The following WTIP variants were observed in gnomAD, a reference collection of about 807,000 sequenced individuals.
WTIP encodes the protein WT1 interacting protein.
In WTIP, 23 loss-of-function variants were observed where a neutral mutation model predicts 41.7. The ratio of observed to expected loss-of-function variants is 0.55; its 90% CI spans 0.40 to 0.78. The LOEUF (loss-of-function observed/expected upper bound fraction) is 0.78. WTIP is among the 30% of genes least tolerant of loss of function. WTIP has a pLI of 0.00. For synonymous variants in WTIP, 314 were observed against 269.9 expected, an observed-to-expected ratio of 1.16 and a Z score of -1.60; for missense variants, 619 against 610.5, an observed-to-expected ratio of 1.01 and a Z score of -0.15.
At chr19:34,499,068 A>G in intron 7 of WTIP, among the ~76,000 whole-genome samples, 1 of 151,880 alleles carries the variant, frequency 6.6e-6, no homozygotes, top group Non-Finnish European at 1.5e-5. Context: ...GAAAAAAATT[A>G]GCCGGGCATG....
In WTIP at chr19:34,500,442, T is replaced by A; in HGVS notation, c.*173T>A. On this transcript the variant is annotated 3_prime_UTR_variant, in exon 8 of 8. Coordinates refer to ENST00000590071, the MANE Select transcript of WTIP (RefSeq NM_001080436.2). ...CTTCTATTTATTCACCGTCTGTGCC[T>A]GCTCAAGTCACTTCCCTGCGGGCCC... 1 of 948,102 alleles carries A rather than the reference T, an allele frequency of 1.1e-6. No individual in the cohort carries two copies. Among genetic ancestry groups the A allele is most frequent in the Non-Finnish European group, 1.5e-6 (1 of 674,418 alleles). 58.7% of individuals were successfully genotyped at this position (948,102 alleles called of 1,614,324 possible). A position where few individuals can be genotyped will look rare whatever the true frequency, so the allele number is the denominator to read the frequency against.
rs1568399859 is a variant in WTIP at position 34,493,068 on chromosome 19, C to CGTGG, written c.805_808dup (p.Glu270GlyfsTer2). The CGTGG allele has an allele frequency of 6.2e-7, 1 of 1,613,926 alleles. No individual in the cohort carries two copies. Among genetic ancestry groups the CGTGG allele is most frequent in the Admixed American group, 1.7e-5 (1 of 60,010 alleles). ...GACTCCGTGGGAAGGCGTTCTACAA[C>CGTGG]GTGGGTGAGAAAGTGTACTGCCAGG... is the stretch of plus-strand genomic sequence containing the variant. On this transcript the variant is annotated frameshift_variant, in exon 3 of 8. Transcript: ENST00000590071. LOFTEE classifies it high-confidence loss of function. This position sits in a 1 kb window ranked among gnomAD's most constrained non-coding sequence, Gnocchi z 4.1.
chr19:34,502,953 G>A lies in WTIP; in HGVS notation c.*2684G>A, dbSNP rs2075895392. ...CCTGCTTTGAGCCGGGTTTCTCCTT[G>A]TTGCCAACCCGGTCCTTCTCCTCCC... On this transcript the variant is annotated 3_prime_UTR_variant, in exon 8 of 8. Coordinates refer to ENST00000590071, the MANE Select transcript of WTIP (RefSeq NM_001080436.2). 6.6e-6 allele frequency: 1 copy of A among 152,518 alleles called. No individual in the cohort carries two copies. Among genetic ancestry groups the A allele is most frequent in the Non-Finnish European group, 1.5e-5 (1 of 68,330 alleles). 9.4% of individuals were successfully genotyped at this position (152,518 alleles called of 1,614,324 possible). A position where few individuals can be genotyped will look rare whatever the true frequency, so the allele number is the denominator to read the frequency against.
chr19:34,490,775 TTCTGCCTG>T (rs2075821590), intron 2 of WTIP, among the ~76,000 whole-genome samples: 1 of 152,204 alleles, frequency 6.6e-6, no homozygotes, highest in Non-Finnish European at 1.5e-5. Flanking sequence ...ATGAAGGACC[TTCTGCCTG>T]TCTGGACATA....
At position 34,512,223 on chromosome 19, in the gene WTIP, C is replaced by G. The variant is rs2075935674; in HGVS notation, c.*11954C>G. ...GTCAGGGTCAGACTCCACCTTGAGT[C>G]TGGCATTGGCTGTTGGCATCATGAG... On this transcript the variant is annotated 3_prime_UTR_variant, in exon 8 of 8. Coordinates refer to ENST00000590071, the MANE Select transcript of WTIP (RefSeq NM_001080436.2). 6.6e-6 allele frequency: 1 copy of G among 152,222 alleles called. No homozygotes were observed. The highest frequency in any genetic ancestry group is 2.1e-4 in the South Asian group (1 of 4,834). The allele number at this position is 152,222 out of a possible 1,614,324, so 9.4% of individuals were successfully genotyped here.
At position 34,482,096 on chromosome 19, in the gene WTIP, C is replaced by A; in HGVS notation, c.122C>A (p.Pro41His). Residue 41 changes from proline (P) to histidine (H), a missense_variant, in exon 1 of 8, where the codon CCT (proline) becomes CAT (histidine). Around this residue, in one of 3 missense-constraint regions of WTIP, gnomAD observed 363 missense variants for 309.0 expected, o/e 1.17. Transcript: ENST00000590071. ...GGGCGGCGGGGGCCGCGGCCTGGGC[C>A]TGGAGACGAGGCGGCGCCCGCGCTG... ...GRGRRGPRPG[P>H]GDEAAPALGR... is the part of the protein sequence containing the mutation. 9.6e-7 allele frequency: 1 copy of A among 1,041,726 alleles called. No homozygotes were observed. 64.5% of individuals were successfully genotyped at this position (1,041,726 alleles called of 1,614,324 possible).
chr19:34,496,807 C>T (rs1458749460), intron 7 of WTIP, among the ~76,000 whole-genome samples: 6 of 152,016 alleles, frequency 3.9e-5, no homozygotes, highest in African/African-American at 9.7e-5. Context: ...GGGGGTTCAG[C>T]GACCCTGCCG....
chr19:34,494,334 G>A (rs2075841699), intron 5 of WTIP, among the ~76,000 whole-genome samples: 3 of 151,924 alleles, frequency 2.0e-5, no homozygotes, highest in Non-Finnish European at 2.9e-5. Flanking sequence ...TGGGTGGATC[G>A]CTTGAACCCA....
At position 34,511,234 on chromosome 19, in the gene WTIP, T is replaced by A. The variant is rs1052090300; in HGVS notation, c.*10965T>A. 3 of 152,116 alleles carry A rather than the reference T, an allele frequency of 2.0e-5. No homozygotes were observed. Among genetic ancestry groups the A allele is most frequent in the Admixed American group, 6.6e-5 (1 of 15,260 alleles). 9.4% of individuals were successfully genotyped at this position (152,116 alleles called of 1,614,324 possible). A position where few individuals can be genotyped will look rare whatever the true frequency, so the allele number is the denominator to read the frequency against. ...TCAGAATCATGGCCTGAGGCAAAAG[T>A]TATGTGGTAGCGGCAAGAGAAAATG... On this transcript the variant is annotated 3_prime_UTR_variant, in exon 8 of 8. Transcript: ENST00000590071.
chr19:34,483,582 G>T (rs1205156562), intron 1 of WTIP, among the ~76,000 whole-genome samples: 1 of 152,230 alleles, frequency 6.6e-6, no homozygotes, highest in Non-Finnish European at 1.5e-5. Flanking sequence ...ACACGGGGCT[G>T]CCCTCGCCCG....
At position 34,509,367 on chromosome 19, in the gene WTIP, G is replaced by C. The variant is rs555022905; in HGVS notation, c.*9098G>C. On this transcript the variant is annotated 3_prime_UTR_variant, in exon 8 of 8. Transcript: ENST00000590071. ...GTGGCGGCAAGAGAAAAATGACAGA[G>C]ATGCAAAAGCAGAAACCCCCGATAA... 1 of 152,348 alleles carries C rather than the reference G, an allele frequency of 6.6e-6. No homozygotes were observed. Among genetic ancestry groups the C allele is most frequent in the South Asian group, 2.1e-4 (1 of 4,824 alleles). The allele number at this position is 152,348 out of a possible 1,614,324, so 9.4% of individuals were successfully genotyped here. A position where few individuals can be genotyped will look rare whatever the true frequency, so the allele number is the denominator to read the frequency against.
At chr19:34,489,197 TAAAAAAAAAAA>T (rs57433723) in intron 1 of WTIP, among the ~76,000 whole-genome samples, 1 of 61,964 alleles carries the variant, frequency 1.6e-5, no homozygotes, top group African/African-American at 7.7e-5. Flanking sequence ...AGACTCTATC[TAAAAAAAAAAA>T]AAAAAAAAAA....
chr19:34,495,715 A>G lies in WTIP; in HGVS notation c.1096A>G (p.Thr366Ala), dbSNP rs1568401266. ...PILPAQGCETTIRVVSMDRDY... is the reference protein window; with the variant it reads ...PILPAQGCETAIRVVSMDRDY... ...TCTCTTCCTCCAGGGCTGCGAGACA[A>G]CCATCCGTGTGGTGTCCATGGACAG... Residue 366 changes from threonine (T) to alanine (A), a missense_variant, in exon 7 of 8, where the codon ACC becomes GCC. Thr to Ala is a moderately conservative substitution (Grantham distance 58). This residue lies in a region of WTIP where 164 missense variants were observed against 219.1 expected (regional missense o/e 0.75). Coordinates refer to ENST00000590071, the MANE Select transcript of WTIP (RefSeq NM_001080436.2). The G allele has an allele frequency of 1.2e-6, 2 of 1,613,934 alleles. No individual in the cohort carries two copies. Among genetic ancestry groups the G allele is most frequent in the Admixed American group, 1.7e-5 (1 of 60,028 alleles).
chr19:34,499,170 G>A (rs556566892), intron 7 of WTIP, among the ~76,000 whole-genome samples: 11 of 150,474 alleles, frequency 7.3e-5, no homozygotes, highest in African/African-American at 1.5e-4. Flanking sequence ...AGCTGAGATC[G>A]CACCACTGCA....
In WTIP at chr19:34,493,453, T is replaced by G; in HGVS notation, c.901-39T>G. On this transcript the variant is annotated intron_variant, in intron 4 of 7. Transcript: ENST00000590071. The surrounding 1 kb of genome is among the most constrained non-coding windows in gnomAD (Gnocchi z 4.1). ...GCCTCTCCCAGGGCGGTGCTGAGCC[T>G]CCTGCCCGCGCTGACCCCTCAGTGT... 1 of 1,610,058 alleles carries G rather than the reference T, an allele frequency of 6.2e-7. No homozygotes were observed. The highest frequency in any genetic ancestry group is 8.5e-7 in the Non-Finnish European group (1 of 1,178,486).
chr19:34,511,696 AAAC>A lies in WTIP; in HGVS notation c.*11430_*11432del, dbSNP rs1265434731. On this transcript the variant is annotated 3_prime_UTR_variant, in exon 8 of 8. Transcript: ENST00000590071. ...CCAACCCTAGGTATTGCCAATAAGA[AAAC>A]AAAGTCTGTATCAATTTGATGAAAA... 1 of 152,180 alleles carries A rather than the reference AAAC, an allele frequency of 6.6e-6. No individual in the cohort carries two copies. The highest frequency in any genetic ancestry group is 1.5e-5 in the Non-Finnish European group (1 of 68,020). The allele number at this position is 152,180 out of a possible 1,614,324, so 9.4% of individuals were successfully genotyped here. A position where few individuals can be genotyped will look rare whatever the true frequency, so the allele number is the denominator to read the frequency against.
At position 34,512,173 on chromosome 19, in the gene WTIP, CT is replaced by C. The variant is rs1191001563; in HGVS notation, c.*11905del. ...GCTGGGCGTGCTGCTTTTCTCCTGG[CT>C]CTAATGGGAAGGCCAAGAGGCAGGT... On this transcript the variant is annotated 3_prime_UTR_variant, in exon 8 of 8. Coordinates refer to ENST00000590071, the MANE Select transcript of WTIP (RefSeq NM_001080436.2). The C allele has an allele frequency of 6.6e-6, 1 of 152,208 alleles. No individual in the cohort carries two copies. Among genetic ancestry groups the C allele is most frequent in the Non-Finnish European group, 1.5e-5 (1 of 68,048 alleles). 9.4% of individuals were successfully genotyped at this position (152,208 alleles called of 1,614,324 possible).
chr19:34,482,468 G>A lies in WTIP; in HGVS notation c.494G>A (p.Cys165Tyr). The A allele has an allele frequency of 3.2e-6, 4 of 1,253,660 alleles. No homozygotes were observed. In the South Asian group the frequency reaches 8.5e-5, roughly 27 times the overall value. 77.7% of individuals were successfully genotyped at this position (1,253,660 alleles called of 1,614,324 possible). A position where few individuals can be genotyped will look rare whatever the true frequency, so the allele number is the denominator to read the frequency against. ...GCTGACTTCCTCCCGCCCGGCGCCTGCCCCGCGCCCGCTCGCTCCCCGGAG... is the reference window on the plus strand; with the variant it reads ...GCTGACTTCCTCCCGCCCGGCGCCTACCCCGCGCCCGCTCGCTCCCCGGAG... ...AYADFLPPGA[C>Y]PAPARSPEPA... is the part of the protein sequence containing the mutation. The change falls in exon 1 of 8, where the codon TGC becomes TAC. Residue 165 changes from cysteine (C) to tyrosine (Y), a missense_variant. Physicochemically the swap from Cys to Tyr is radical, Grantham distance 194. Around this residue, in one of 3 missense-constraint regions of WTIP, gnomAD observed 363 missense variants for 309.0 expected, o/e 1.17. Transcript: ENST00000590071.
intron 1 of WTIP, among the ~76,000 whole-genome samples, chr19:34,485,114 T>C (rs552013358): frequency 3.7e-4 from 56 of 152,278 alleles, no homozygotes; most frequent in African/African-American, 1.3e-3. Context: ...GACGGAGTCT[T>C]GCTCTGTCGC....
Sources: allele counts gnomAD v4.1 joint callset (sites outside exome capture counted in the v4.1 genomes callset), GRCh38; gene constraint gnomAD v4.1.1; regional missense constraint gnomAD v4.1.1; non-coding constraint Gnocchi (gnomAD v3.1); transcripts MANE v1.5; gene names NCBI Gene and HGNC (gene_info 2026-07-23, HGNC 2026-07-21).